The following MROH9 variants were observed in gnomAD, a reference collection of about 807,000 sequenced individuals.
The protein encoded by MROH9 is maestro heat like repeat family member 9.
A neutral mutation model predicts 98.2 loss-of-function variants in MROH9; 92 were observed. The observed-to-expected ratio is 0.94, with a 90% CI of 0.79 to 1.11. MROH9 has a LOEUF of 1.11. MROH9 is among the 50% of genes most tolerant of loss of function. The pLI, the probability that MROH9 is intolerant of heterozygous loss-of-function variation, is 0.00. For missense variants in MROH9, 1,057 were observed against 1,014.8 expected, an observed-to-expected ratio of 1.04 and a Z score of -0.57; for synonymous variants, 397 against 368.9, an observed-to-expected ratio of 1.08 and a Z score of -0.87.
At chr1:170,948,345 C>T (rs942225893) in intron 3 of MROH9, among the ~76,000 whole-genome samples, 2 of 151,920 alleles carry the variant, frequency 1.3e-5, no homozygotes, top group Non-Finnish European at 2.9e-5. Context: ...AGGTCGAAGT[C>T]GCTGATAATT....
rs1364832265 is a variant in MROH9, at chr1:170,994,718, A to C, written c.1195-671A>C. Among the ~76,000 whole-genome samples, 4 of 152,200 alleles carry C rather than the reference A, an allele frequency of 2.6e-5. No homozygotes were observed. In the East Asian group the frequency reaches 7.7e-4, roughly 29 times the overall value. On this transcript the variant is annotated intron_variant, in intron 12 of 21. Coordinates refer to ENST00000367759, the MANE Select transcript of MROH9 (RefSeq NM_001163629.2). ...TCTTTCTAACTATTGTTTTATGCCC[A>C]TTAACCATCCCCACCTCCCCCATCC...
chr1:171,039,152 C>G (rs1329390598), intron 20 of MROH9, among the ~76,000 whole-genome samples: 2 of 152,142 alleles, frequency 1.3e-5, no homozygotes, highest in Admixed American at 1.3e-4. Context: ...TCCAAAGCAT[C>G]AAATTCTGTT....
intron 15 of MROH9, among the ~76,000 whole-genome samples, chr1:171,004,579 G>A (rs570757201): frequency 5.3e-5 from 8 of 152,314 alleles, no homozygotes; most frequent in East Asian, 3.9e-4. Context: ...TCACTTCCGC[G>A]GTTGGGGCAC....
At chr1:170,947,393 A>G in intron 2 of MROH9, 134 bp from the exon 3 acceptor site, 2 of 668,256 alleles carry the variant, frequency 3.0e-6, no homozygotes, top group East Asian at 2.7e-5. Context: ...CTATAGTTTT[A>G]GTGTGTGTGT....
At chr1:171,029,985 T>C (rs186298034) in intron 20 of MROH9, among the ~76,000 whole-genome samples, 36 of 152,316 alleles carry the variant, frequency 2.4e-4, no homozygotes, top group African/African-American at 8.4e-4. Flanking sequence ...TTGTTATTGG[T>C]CTATTGAGGG....
intron 8 of MROH9, among the ~76,000 whole-genome samples, chr1:170,981,612 T>TG (rs914838404): frequency 5.3e-5 from 8 of 150,156 alleles, no homozygotes; most frequent in African/African-American, 2.0e-4. Context: ...TTGTTGGAGG[T>TG]GGGGGGTGCG....
rs527886888 is a variant in MROH9 at position 171,008,104 on chromosome 1, A to G, written c.1597-6013A>G. 1.6e-3 allele frequency among the ~76,000 whole-genome samples: 249 copies of G among 152,180 alleles called. 1 individual carries two copies. Among genetic ancestry groups the G allele is most frequent in the African/African-American group, 5.8e-3 (241 of 41,526 alleles). ...GTATTCCATTCTTGTTTTATTATGGATTTTCATAGAAATGCTTCTATTTCA... is the reference window on the plus strand; with the variant it reads ...GTATTCCATTCTTGTTTTATTATGGGTTTTCATAGAAATGCTTCTATTTCA... On this transcript the variant is annotated intron_variant, in intron 15 of 21. Transcript: ENST00000367759.
intron 16 of MROH9, among the ~76,000 whole-genome samples, chr1:171,015,494 G>A (rs1652295413): frequency 6.6e-6 from 1 of 152,072 alleles, no homozygotes; most frequent in African/African-American, 2.4e-5. Flanking sequence ...TATTATTTTG[G>A]CAAAATAATA....
intron 20 of MROH9, 49 bp from the exon 21 acceptor site, chr1:171,062,083 A>G: frequency 8.4e-7 from 1 of 1,194,568 alleles, no homozygotes; most frequent in Non-Finnish European, 1.2e-6. Flanking sequence ...CAGAAAATGT[A>G]TTTTCATAAT....
intron 3 of MROH9, among the ~76,000 whole-genome samples, chr1:170,957,376 T>A (rs1181824856): frequency 6.6e-6 from 1 of 152,230 alleles, no homozygotes; most frequent in Non-Finnish European, 1.5e-5. Context: ...TCCCATTTCA[T>A]TTATTTGCTT....
At chr1:170,942,440 A>T (rs1425918004) in intron 1 of MROH9, among the ~76,000 whole-genome samples, 1 of 151,954 alleles carries the variant, frequency 6.6e-6, no homozygotes, top group Non-Finnish European at 1.5e-5. Flanking sequence ...TTTTATCAAG[A>T]GTAAAATTTT....
chr1:171,034,150 A>G (rs997898783), intron 20 of MROH9, among the ~76,000 whole-genome samples: 4 of 152,114 alleles, frequency 2.6e-5, no homozygotes, highest in Non-Finnish European at 5.9e-5. Context: ...ATTCAACTAT[A>G]AAATATAGAA....
intron 20 of MROH9, among the ~76,000 whole-genome samples, chr1:171,045,837 T>C (rs1395660159): frequency 1.3e-5 from 2 of 152,162 alleles, no homozygotes; most frequent in Admixed American, 6.5e-5. Context: ...TTAAGTCTGA[T>C]GTTTCTTTGT....
At position 171,062,309 on chromosome 1, in the gene MROH9, G is replaced by A. The variant is rs536359564; in HGVS notation, c.2344+115G>A. The A allele has an allele frequency of 4.4e-6, 3 of 674,976 alleles. No individual in the cohort carries two copies. The South Asian group carries it at 5.8e-5, about 13-fold the overall frequency. The allele number at this position is 674,976 out of a possible 1,614,324, so 41.8% of individuals were successfully genotyped here. On this transcript the variant is annotated intron_variant, in intron 21 of 21. Coordinates refer to ENST00000367759, the MANE Select transcript of MROH9 (RefSeq NM_001163629.2). ...GTGCCAGGCCAGACAGGAAGAGGGT[G>A]GTGGTAGTAGTAGTTGGATAATTAC...
chr1:170,992,157 T>TG lies in MROH9; in HGVS notation c.1029-7_1029-6insG. 6.2e-7 allele frequency: 1 copy of TG among 1,600,298 alleles called. No individual in the cohort carries two copies. Among genetic ancestry groups the TG allele is most frequent in the Non-Finnish European group, 8.5e-7 (1 of 1,173,092 alleles). ...TCTCATTGTGTGGGGTGGGGCTGTGTTTGCAGCACTCTGATACAGATGTGG... is the reference window on the plus strand; with the variant it reads ...TCTCATTGTGTGGGGTGGGGCTGTGTGTTGCAGCACTCTGATACAGATGTGG... On this transcript the variant is annotated splice_polypyrimidine_tract_variant and splice_region_variant and intron_variant, in intron 11 of 21. Transcript: ENST00000367759.
At chr1:171,064,001 G>A in intron 21 of MROH9, 98 bp from the exon 22 acceptor site, 1 of 1,204,150 alleles carries the variant, frequency 8.3e-7, no homozygotes. Context: ...TGGAGAGAAG[G>A]GGGCACTCTG....
chr1:170,989,875 T>C lies in MROH9; in HGVS notation c.900T>C (p.Ala300=). The C allele has an allele frequency of 6.2e-7, 1 of 1,605,202 alleles. No individual in the cohort carries two copies. Among genetic ancestry groups the C allele is most frequent in the Admixed American group, 1.7e-5 (1 of 59,766 alleles). Residue 300 remains alanine (A), a synonymous_variant, in exon 11 of 22, where the codon GCT becomes GCC. Coordinates refer to ENST00000367759, the MANE Select transcript of MROH9 (RefSeq NM_001163629.2). ...KVTMVSKIVD[A]IYRQLCDNNC... The stretch of plus-strand genomic sequence containing the variant: ...TCCAGGTGTCTAAGATCGTGGATGC[T>C]ATTTACAGGCAACTGTGTGATAACA...
chr1:171,012,253 T>C (rs1652179102), intron 15 of MROH9, among the ~76,000 whole-genome samples: 1 of 152,048 alleles, frequency 6.6e-6, no homozygotes, highest in Admixed American at 6.6e-5. Context: ...TCTTCTTTTA[T>C]TATATCACAA....
At chr1:171,045,938 AC>A (rs1202491890) in intron 20 of MROH9, among the ~76,000 whole-genome samples, 1 of 151,746 alleles carries the variant, frequency 6.6e-6, no homozygotes, top group African/African-American at 2.4e-5. Flanking sequence ...TCTCTCTTTC[AC>A]TCTAATAGTA....
Sources: allele counts gnomAD v4.1 joint callset (sites outside exome capture counted in the v4.1 genomes callset), GRCh38; gene constraint gnomAD v4.1.1; transcripts MANE v1.5; gene names NCBI Gene and HGNC (gene_info 2026-07-23, HGNC 2026-07-21).